The following SUGCT variants were observed in gnomAD, a reference collection of about 807,000 sequenced individuals.
SUGCT encodes succinyl-CoA:glutarate-CoA transferase, also known as succinyl-CoA:glutarate CoA-transferase.
SUGCT carries 41 observed loss-of-function variants against 55.0 expected under a neutral mutation model. The observed-to-expected ratio is 0.74, with a 90% confidence interval of 0.58 to 0.97. SUGCT has a LOEUF of 0.97. Among genes scored for constraint, SUGCT ranks in the 50% least tolerant of loss-of-function variants. The pLI is 0.00. For missense variants in SUGCT, 568 were observed against 547.8 expected, an observed-to-expected ratio of 1.04 and a Z score of -0.37; for synonymous variants, 187 against 200.4, an observed-to-expected ratio of 0.93 and a Z score of 0.56.
At chr7:40,831,953 G>A (rs926044152) in intron 13 of SUGCT, among the ~76,000 whole-genome samples, 2 of 152,210 alleles carry the variant, frequency 1.3e-5, no homozygotes, top group African/African-American at 4.8e-5. Context: ...AATAGCCTAT[G>A]TTTAGAACAC....
intron 12 of SUGCT, among the ~76,000 whole-genome samples, chr7:40,535,582 A>C (rs1320642655): frequency 6.6e-6 from 1 of 152,238 alleles, no homozygotes; most frequent in Admixed American, 6.5e-5. Flanking sequence ...TGTTCATTGC[A>C]GGGCTTTTCA....
intron 9 of SUGCT, among the ~76,000 whole-genome samples, chr7:40,364,452 C>G (rs1783817415): frequency 6.6e-6 from 1 of 152,010 alleles, no homozygotes; most frequent in African/African-American, 2.4e-5. Context: ...GTGGCTGGTA[C>G]CGGTTGTTCC....
intron 13 of SUGCT, chr7:40,783,452 GA>G (rs1304639230): frequency 6.6e-6 from 1 of 152,086 alleles, no homozygotes; most frequent in Non-Finnish European, 1.5e-5. Flanking sequence ...AAACTCTTCT[GA>G]AAATTTCAAC....
intron 13 of SUGCT, among the ~76,000 whole-genome samples, chr7:40,829,704 T>G (rs1038228818): frequency 6.6e-6 from 1 of 152,152 alleles, no homozygotes; most frequent in Admixed American, 6.5e-5. Flanking sequence ...TGCAGTGTCA[T>G]GGTGGGTTCT....
chr7:40,208,707 G>C (rs1038660218), intron 6 of SUGCT, among the ~76,000 whole-genome samples: 1 of 152,032 alleles, frequency 6.6e-6, no homozygotes, highest in Non-Finnish European at 1.5e-5. Context: ...GCCATGTCCG[G>C]ATAATTTTTT....
intron 12 of SUGCT, among the ~76,000 whole-genome samples, chr7:40,703,520 T>A (rs1475826226): frequency 1.3e-5 from 2 of 152,166 alleles, no homozygotes; most frequent in Non-Finnish European, 2.9e-5. Flanking sequence ...TACTATCTTT[T>A]AGAGTAGTTT....
chr7:40,323,490 A>G (rs1279319317), intron 9 of SUGCT, among the ~76,000 whole-genome samples: 1 of 152,088 alleles, frequency 6.6e-6, no homozygotes, highest in South Asian at 2.1e-4. Context: ...CTCAAACTCA[A>G]GCAAACCTCC....
chr7:41,010,830 G>A, the SUGCT span, among the ~76,000 whole-genome samples: 4,069 of 152,262 alleles, frequency 0.027, 192 homozygotes, highest in South Asian at 0.19. Context: ...TCATTTGATA[G>A]CATTAGGAAA....
chr7:40,153,661 T>A, intron 1 of SUGCT: 1 of 521,832 alleles, frequency 1.9e-6, no homozygotes, highest in Non-Finnish European at 3.9e-6. Flanking sequence ...GCAATACCAA[T>A]AGAGGGGACT....
rs535961962 is a variant in SUGCT at position 40,335,241 on chromosome 7, T to C, written c.816+18386T>C. On this transcript the variant is annotated intron_variant, in intron 9 of 13. Coordinates refer to ENST00000335693, the MANE Select transcript of SUGCT (RefSeq NM_001193313.2). ...GGATTGTCTTGGCAATGCAGGCCCT[T>C]TTTTGGTTCCATATGAACTTTAGTT... is the stretch of plus-strand genomic sequence containing the variant. Among the ~76,000 whole-genome samples the C allele has an allele frequency of 2.4e-4, 36 of 152,334 alleles. No homozygotes were observed. The South Asian group carries it at 7.1e-3, about 30-fold the overall frequency.
chr7:40,919,281 A>G, the SUGCT span, among the ~76,000 whole-genome samples: 1 of 151,778 alleles, frequency 6.6e-6, no homozygotes, highest in Non-Finnish European at 1.5e-5. Flanking sequence ...TCTGTCTAAC[A>G]CTCTACTCAT....
intron 9 of SUGCT, among the ~76,000 whole-genome samples, chr7:40,382,929 A>G (rs1430688886): frequency 6.6e-6 from 1 of 152,202 alleles, no homozygotes; most frequent in Non-Finnish European, 1.5e-5. Context: ...TTTCATATTT[A>G]ACACAGATTA....
At chr7:40,940,678 G>GA in the SUGCT span, among the ~76,000 whole-genome samples, 7,736 of 152,124 alleles carry the variant, frequency 0.051, 295 homozygotes, top group South Asian at 0.16. Flanking sequence ...TTCATTCTCA[G>GA]ATTGGTCATT....
At chr7:40,748,981 C>T (rs1046870107) in intron 12 of SUGCT, among the ~76,000 whole-genome samples, 1 of 152,182 alleles carries the variant, frequency 6.6e-6, no homozygotes, top group Non-Finnish European at 1.5e-5. Context: ...TGGACTGACT[C>T]CCCATACCTT....
chr7:40,308,683 A>C (rs1794966768), intron 8 of SUGCT, among the ~76,000 whole-genome samples: 1 of 152,066 alleles, frequency 6.6e-6, no homozygotes, highest in Non-Finnish European at 1.5e-5. Context: ...TAGCATATTA[A>C]AGTCTTCTAA....
chr7:40,907,437 A>G, the SUGCT span, among the ~76,000 whole-genome samples: 1 of 152,330 alleles, frequency 6.6e-6, no homozygotes, highest in South Asian at 2.1e-4. Context: ...TACTCGTTTA[A>G]TATAGCCAAC....
intron 13 of SUGCT, among the ~76,000 whole-genome samples, chr7:40,771,423 T>C (rs1326621360): frequency 6.6e-6 from 1 of 152,172 alleles, no homozygotes; most frequent in African/African-American, 2.4e-5. Context: ...ATTTATTTTC[T>C]AGCATTTTTT....
intron 12 of SUGCT, among the ~76,000 whole-genome samples, chr7:40,722,361 A>G (rs1375658765): frequency 6.6e-6 from 1 of 152,244 alleles, no homozygotes; most frequent in African/African-American, 2.4e-5. Flanking sequence ...CTATTTTTAC[A>G]TAATAAATAC....
At chr7:40,225,951 A>G (rs1335192702) in intron 6 of SUGCT, among the ~76,000 whole-genome samples, 3 of 152,178 alleles carry the variant, frequency 2.0e-5, no homozygotes, top group Non-Finnish European at 4.4e-5. Context: ...AAATGAGATG[A>G]CACATATGAA....
Sources: allele counts gnomAD v4.1 joint callset (sites outside exome capture counted in the v4.1 genomes callset), GRCh38; gene constraint gnomAD v4.1.1; transcripts MANE v1.5; gene names NCBI Gene and HGNC (gene_info 2026-07-23, HGNC 2026-07-21).